Variants in EEF1D observed in about 807,000 individuals in gnomAD.
The protein encoded by EEF1D is eukaryotic translation elongation factor 1 delta.
A neutral mutation model predicts 63.9 loss-of-function variants in EEF1D; 47 were observed. The observed-to-expected ratio is 0.74, with a 90% CI of 0.58 to 0.94. EEF1D has a LOEUF of 0.94. Ranked by LOEUF, EEF1D falls within the 40% of genes least tolerant of loss-of-function variation. The pLI is 0.00. For missense variants in EEF1D, 907 were observed against 899.0 expected (o/e 1.01, Z -0.11); for synonymous variants, 412 against 386.1 (o/e 1.07, Z -0.79).
intron 2 of EEF1D, 94 bp downstream of exon 2, chr8:143,592,553 G>C: frequency 1.0e-6 from 1 of 959,528 alleles, no homozygotes; most frequent in Non-Finnish European, 1.2e-6. Context: ...TGGGCCATGC[G>C]CAGGTGGTGC....
At chr8:143,587,905 C>T (rs924236320) in intron 3 of EEF1D, among the ~76,000 whole-genome samples, 6 of 152,168 alleles carry the variant, frequency 3.9e-5, no homozygotes, top group Admixed American at 6.5e-5. Flanking sequence ...TGGCCAAGAC[C>T]CTCTTACTGT....
At chr8:143,593,546 A>T (rs1289233415) in intron 1 of EEF1D, among the ~76,000 whole-genome samples, 1 of 151,972 alleles carries the variant, frequency 6.6e-6, no homozygotes, top group African/African-American at 2.4e-5. Context: ...GGCCCTGCCC[A>T]CCTCTGTGCA....
intron 1 of EEF1D, among the ~76,000 whole-genome samples, chr8:143,594,968 C>T (rs965586515): frequency 6.6e-6 from 1 of 152,160 alleles, no homozygotes; most frequent in African/African-American, 2.4e-5. Flanking sequence ...TGCAGTGGCG[C>T]GATCTTGGCT....
chr8:143,591,621 G>C lies in EEF1D; in HGVS notation c.-1+1026C>G, dbSNP rs537926792. ...GCAGCTGCCCCTCACAGACACCGCT[G>C]CTAGTCTGCTGCCTCCGCAGGTGTG... On this transcript the variant is annotated intron_variant, in intron 2 of 9. Coordinates refer to ENST00000618139, the MANE Select transcript of EEF1D (RefSeq NM_001130053.5). 6.6e-5 allele frequency among the ~76,000 whole-genome samples: 10 copies of C among 152,364 alleles called. No homozygotes were observed. The East Asian group carries it at 1.9e-3, about 29-fold the overall frequency.
intron 1 of EEF1D, 88 bp downstream of exon 1, chr8:143,597,260 T>C (rs548327065): frequency 6.6e-6 from 1 of 152,252 alleles, no homozygotes; most frequent in African/African-American, 2.4e-5. Flanking sequence ...GGCGCGAGCT[T>C]CTGGCGCAGC....
chr8:143,592,651 C>T lies in EEF1D; in HGVS notation c.-5G>A, dbSNP rs117878516. 4.1e-6 allele frequency: 4 copies of T among 985,538 alleles called. No homozygotes were observed. Among genetic ancestry groups the T allele is most frequent in the Non-Finnish European group, 4.8e-6 (4 of 829,978 alleles). 61.0% of individuals were successfully genotyped at this position (985,538 alleles called of 1,614,324 possible). On this transcript the variant is annotated 5_prime_UTR_variant, in exon 2 of 10. Coordinates refer to ENST00000618139, the MANE Select transcript of EEF1D (RefSeq NM_001130053.5). ...TGAGGACAGGCGAGTACTTACTTTGCTTTGGCCTCCTAGGACAGCATGAAG... is the reference window on the plus strand; with the variant it reads ...TGAGGACAGGCGAGTACTTACTTTGTTTTGGCCTCCTAGGACAGCATGAAG...
chr8:143,581,087 C>T lies in EEF1D; in HGVS notation c.1455G>A (p.Ser485=), dbSNP rs769603434. 1.2e-6 allele frequency: 2 copies of T among 1,612,438 alleles called. No individual in the cohort carries two copies. Among genetic ancestry groups the T allele is most frequent in the Non-Finnish European group, 8.5e-7 (1 of 1,179,958 alleles). The change falls in exon 7 of 10, where the codon TCG becomes TCA. Residue 485 remains serine, a synonymous_variant. Transcript: ENST00000618139. The part of the protein sequence containing the change: ...EARLNVLEKS[S]PGHRATAPQT... ...GTGGGGCCGTGGCCCGGTGGCCAGG[C>T]GAGCTCTTCTCCAGCACGTTCAGCC...
intron 5 of EEF1D, chr8:143,583,952 G>A (rs7841183): frequency 0.14 from 21,624 of 152,288 alleles, 1,984 homozygotes; most frequent in East Asian, 0.36. Flanking sequence ...GCCAAGGACC[G>A]TGAGCAGCTT....
chr8:143,586,794 A>G lies in EEF1D; in HGVS notation c.1150T>C (p.Tyr384His). 1 of 1,614,196 alleles carries G rather than the reference A, an allele frequency of 6.2e-7. No homozygotes were observed. The highest frequency in any genetic ancestry group is 8.5e-7 in the Non-Finnish European group (1 of 1,180,024). The change falls in exon 4 of 10, where the codon TAT (tyrosine) becomes CAT (histidine). Residue 384 changes from tyrosine (Y) to histidine (H), a missense_variant. By Grantham distance (83) the Tyr-to-His change is moderately conservative (BLOSUM62 2). Transcript: ENST00000618139. ...TAGAATCTCCTTTCTGCGTCGTCAT[A>G]TTTGAACTTGTCGAACCAGATCTTC... is the stretch of plus-strand genomic sequence containing the variant. ...HEKIWFDKFK[Y>H]DDAERRFYEQ... is the part of the protein sequence containing the mutation.
At chr8:143,594,449 G>A (rs1275481366) in intron 1 of EEF1D, 4 of 152,504 alleles carry the variant, frequency 2.6e-5, no homozygotes, top group Non-Finnish European at 5.9e-5. Context: ...GCAGGGCCCT[G>A]AGGAAGGTGA....
chr8:143,591,952 G>A (rs565990194), intron 2 of EEF1D: 45 of 854,962 alleles, frequency 5.3e-5, no homozygotes, highest in Admixed American at 2.5e-4. Context: ...CGGGCATGTG[G>A]CCCGAATCCC....
Position 143,581,046 on chromosome 8 carries a change from G to A in EEF1D, c.1488+8C>T, listed in dbSNP as rs1453509728. Reference sequence around the variant, plus strand: ...CCCTGCAGTGTCAGGCGTGGGGAGAGCATTCACCTGGGTCTGTGGGGCCGT... The same window carrying A: ...CCCTGCAGTGTCAGGCGTGGGGAGAACATTCACCTGGGTCTGTGGGGCCGT... On this transcript the variant is annotated splice_region_variant and intron_variant, in intron 7 of 9. Transcript: ENST00000618139. 13 of 1,610,946 alleles carry A rather than the reference G, an allele frequency of 8.1e-6. No homozygotes were observed. Among genetic ancestry groups the A allele is most frequent in the African/African-American group, 1.3e-5 (1 of 74,896 alleles).
intron 1 of EEF1D, chr8:143,593,750 G>A (rs1364371858): frequency 4.2e-5 from 25 of 591,528 alleles, no homozygotes; most frequent in South Asian, 7.3e-5. Flanking sequence ...GGCCAGGCCC[G>A]TCACCTGGGG....
At position 143,589,250 on chromosome 8, in the gene EEF1D, G is replaced by T. The variant is rs777427469; in HGVS notation, c.832C>A (p.Arg278=). 6.3e-7 allele frequency: 1 copy of T among 1,582,922 alleles called. No individual in the cohort carries two copies. The highest frequency in any genetic ancestry group is 2.3e-5 in the East Asian group (1 of 43,704). Residue 278 remains arginine, a synonymous_variant, in exon 3 of 10, where the codon CGG becomes AGG. Coordinates refer to ENST00000618139, the MANE Select transcript of EEF1D (RefSeq NM_001130053.5). ...AEGARRGRRD[R]RGRNILGNKR... is the part of the protein sequence containing the mutation. Reference sequence around the variant, plus strand: ...TTCCCTAAGATGTTGCGGCCCCGCCGGTCTCTGCGGCCCCGCCGGGCACCC... The same window carrying T: ...TTCCCTAAGATGTTGCGGCCCCGCCTGTCTCTGCGGCCCCGCCGGGCACCC...
chr8:143,590,217 C>T (rs778040662), intron 2 of EEF1D, 136 bp from the exon 3 acceptor site: 65 of 1,267,022 alleles, frequency 5.1e-5, no homozygotes, highest in Non-Finnish European at 7.0e-5. Context: ...GGATGCTCCC[C>T]AGTGGGGCTT....
In EEF1D at chr8:143,581,148, T is replaced by C; in HGVS notation, c.1394A>G (p.Gln465Arg). 6.2e-7 allele frequency: 1 copy of C among 1,612,978 alleles called. No individual in the cohort carries two copies. The highest frequency in any genetic ancestry group is 8.5e-7 in the Non-Finnish European group (1 of 1,179,952). The change falls in exon 7 of 10, where the codon CAG becomes CGG. Residue 465 changes from glutamine to arginine, a missense_variant. By Grantham distance (43) the Gln-to-Arg change is conservative. Coordinates refer to ENST00000618139, the MANE Select transcript of EEF1D (RefSeq NM_001130053.5). ...CTTGGAGATGGCCTGCTGCAGCTCC[T>C]GTACCACTGGGGGGGCAAGGGGAGC... Reference protein sequence around the residue: ...VENQSLRGVVQELQQAISKLE... With the variant: ...VENQSLRGVVRELQQAISKLE...
rs567426938 is a variant in EEF1D, at chr8:143,597,332, G to C, written c.-15+16C>G. ...TGTCGCGCCCGACTCCTTCCGGCGG[G>C]GGCCGCGGTACTCACACGCCAGCCA... On this transcript the variant is annotated intron_variant, in intron 1 of 9. Coordinates refer to ENST00000618139, the MANE Select transcript of EEF1D (RefSeq NM_001130053.5). The C allele has an allele frequency of 4.5e-4, 68 of 152,292 alleles. No individual in the cohort carries two copies. Among genetic ancestry groups the C allele is most frequent in the African/African-American group, 1.6e-3 (67 of 41,578 alleles). The allele number at this position is 152,292 out of a possible 1,614,324, so 9.4% of individuals were successfully genotyped here. A position where few individuals can be genotyped will look rare whatever the true frequency, so the allele number is the denominator to read the frequency against.
rs1827359196 is a variant in EEF1D at position 143,589,226 on chromosome 8, T to A, written c.856A>T (p.Asn286Tyr). The change falls in exon 3 of 10, where the codon AAC (asparagine) becomes TAC (tyrosine). Residue 286 changes from asparagine to tyrosine, a missense_variant. Physicochemically the swap from Asn to Tyr is moderately radical, Grantham distance 143 (BLOSUM62 -2). Transcript: ENST00000618139. The stretch of plus-strand genomic sequence containing the variant: ...GCCCGTCGCAGCCCGGCCCGCTTGT[T>A]CCCTAAGATGTTGCGGCCCCGCCGG... ...RDRRGRNILGNKRAGLRRADG... is the reference protein window; with the variant it reads ...RDRRGRNILGYKRAGLRRADG... 5.1e-6 allele frequency: 8 copies of A among 1,578,698 alleles called. No individual in the cohort carries two copies. The highest frequency in any genetic ancestry group is 6.9e-6 in the Non-Finnish European group (8 of 1,160,466).
chr8:143,583,695 G>GGTAGCT (rs1563961057), intron 5 of EEF1D: 1 of 151,766 alleles, frequency 6.6e-6, no homozygotes, highest in African/African-American at 2.4e-5. Flanking sequence ...CACACCCCTA[G>GGTAGCT]GTGGCTGTGG....
Sources: allele counts gnomAD v4.1 joint callset (sites outside exome capture counted in the v4.1 genomes callset), GRCh38; gene constraint gnomAD v4.1.1; transcripts MANE v1.5; gene names NCBI Gene and HGNC (gene_info 2026-07-23, HGNC 2026-07-21).